DPYD: variants seen among roughly 807,000 people sequenced by gnomAD.
DPYD encodes the protein dihydropyrimidine dehydrogenase [NADP(+)].
A neutral mutation model predicts 116.2 loss-of-function variants in DPYD; 109 were observed. The observed-to-expected ratio is 0.94, with a 90% confidence interval of 0.80 to 1.10. The LOEUF (loss-of-function observed/expected upper bound fraction) is 1.10, where lower values mean the gene tolerates loss of function less well. Ranked by LOEUF, DPYD falls within the 50% of genes least tolerant of loss-of-function variation. DPYD has a pLI of 0.00. For missense variants in DPYD, 1,302 were observed against 1,254.5 expected, an observed-to-expected ratio of 1.04 and a Z score of -0.57; for synonymous variants, 440 against 432.0, an observed-to-expected ratio of 1.02 and a Z score of -0.23.
chr1:97,858,877 G>A (rs1670979199), intron 2 of DPYD, among the ~76,000 whole-genome samples: 1 of 151,990 alleles, frequency 6.6e-6, no homozygotes, highest in South Asian at 2.1e-4. Flanking sequence ...GAATGTGTTT[G>A]ACAAATATTA....
intron 8 of DPYD, among the ~76,000 whole-genome samples, chr1:97,621,723 G>T (rs1656643949): frequency 6.6e-6 from 1 of 152,042 alleles, no homozygotes; most frequent in South Asian, 2.1e-4. Context: ...GGGCCCCCTT[G>T]GAGAAACACC....
At chr1:97,106,485 A>T (rs751688386) in intron 20 of DPYD, among the ~76,000 whole-genome samples, 2 of 152,112 alleles carry the variant, frequency 1.3e-5, no homozygotes, top group African/African-American at 2.4e-5. Context: ...AGGAAAGGCA[A>T]ATTATTCTTT....
At chr1:97,708,528 T>C (rs912818938) in intron 5 of DPYD, among the ~76,000 whole-genome samples, 1 of 152,074 alleles carries the variant, frequency 6.6e-6, no homozygotes, top group African/African-American at 2.4e-5. Context: ...TTTAACAATA[T>C]CACACTGTCT....
In DPYD at chr1:97,235,314, G is replaced by A. The variant is rs560641013; in HGVS notation, c.2300-320C>T. 3.9e-4 allele frequency among the ~76,000 whole-genome samples: 59 copies of A among 152,290 alleles called. 1 individual carries two copies. The highest frequency in any genetic ancestry group is 1.4e-3 in the African/African-American group (57 of 41,554). On this transcript the variant is annotated intron_variant, in intron 18 of 22. Coordinates refer to ENST00000370192, the MANE Select transcript of DPYD (RefSeq NM_000110.4). ...ATATTACAATTGGATATACAGTAAT[G>A]TGTAAAAGATTGCATAGAATATTTG...
At chr1:97,243,668 A>C (rs896848488) in intron 18 of DPYD, among the ~76,000 whole-genome samples, 3 of 151,984 alleles carry the variant, frequency 2.0e-5, no homozygotes, top group Admixed American at 2.0e-4. Flanking sequence ...TAAAACCATA[A>C]AAATCAACAT....
intron 2 of DPYD, chr1:97,856,553 T>G (rs1454071339): frequency 6.6e-6 from 1 of 152,204 alleles, no homozygotes. Context: ...AGACAAATTA[T>G]TAACAATTTA....
chr1:97,636,560 G>A (rs1378591029), intron 8 of DPYD, among the ~76,000 whole-genome samples: 2 of 152,068 alleles, frequency 1.3e-5, no homozygotes, highest in African/African-American at 4.8e-5. Flanking sequence ...AGGATTACTT[G>A]CATTTGCCAT....
intron 20 of DPYD, among the ~76,000 whole-genome samples, chr1:97,185,444 C>A (rs1333386650): frequency 6.6e-6 from 1 of 152,112 alleles, no homozygotes; most frequent in African/African-American, 2.4e-5. Flanking sequence ...AAAACTTATG[C>A]ATCCACCTTA....
At position 97,698,597 on chromosome 1, in the gene DPYD, C is replaced by T. The variant is rs1347724630; in HGVS notation, c.680+754G>A. On this transcript the variant is annotated intron_variant, in intron 6 of 22. Coordinates refer to ENST00000370192, the MANE Select transcript of DPYD (RefSeq NM_000110.4). ...TAGAAACAGATATTCCAAATGGATA[C>T]ATTTTGTAATCCATGATTTTTTTGA... Among the ~76,000 whole-genome samples, 5 of 151,852 alleles carry T rather than the reference C, an allele frequency of 3.3e-5. No homozygotes were observed. The East Asian group carries it at 5.8e-4, about 18-fold the overall frequency.
intron 16 of DPYD, among the ~76,000 whole-genome samples, chr1:97,335,136 G>A (rs1222599549): frequency 6.6e-6 from 1 of 152,074 alleles, no homozygotes; most frequent in African/African-American, 2.4e-5. Flanking sequence ...CTTTTGTAGA[G>A]GCTGCTTCCT....
intron 8 of DPYD, among the ~76,000 whole-genome samples, chr1:97,599,624 A>C (rs1485863775): frequency 6.6e-6 from 1 of 151,938 alleles, no homozygotes; most frequent in Non-Finnish European, 1.5e-5. Context: ...CATGAGAAAG[A>C]CAGTCATCTT....
intron 8 of DPYD, among the ~76,000 whole-genome samples, chr1:97,657,449 C>T (rs1315074581): frequency 6.6e-6 from 1 of 152,062 alleles, no homozygotes; most frequent in African/African-American, 2.4e-5. Flanking sequence ...CATCAGCTGC[C>T]TCACTCTTAT....
chr1:97,610,680 A>T (rs1269947963), intron 8 of DPYD, among the ~76,000 whole-genome samples: 1 of 152,078 alleles, frequency 6.6e-6, no homozygotes, highest in Non-Finnish European at 1.5e-5. Context: ...TAGTGATTTC[A>T]GTACATGATT....
At chr1:97,567,860 C>A (rs1208307635) in intron 11 of DPYD, among the ~76,000 whole-genome samples, 1 of 112,936 alleles carries the variant, frequency 8.9e-6, no homozygotes, top group Non-Finnish European at 1.9e-5. Context: ...TGCAGAAATT[C>A]AAAATGGAGA....
At chr1:97,291,023 G>A (rs190054870) in intron 18 of DPYD, among the ~76,000 whole-genome samples, 36,887 of 151,908 alleles carry the variant, frequency 0.24, 5,508 homozygotes, top group Admixed American at 0.39. Context: ...AAAAGTGGGC[G>A]AAGGACATGA....
chr1:97,222,325 T>C (rs1660831781), intron 19 of DPYD, among the ~76,000 whole-genome samples: 2 of 152,106 alleles, frequency 1.3e-5, no homozygotes, highest in Admixed American at 1.3e-4. Flanking sequence ...TGCAAACATC[T>C]TAGCTAACTC....
intron 3 of DPYD, among the ~76,000 whole-genome samples, chr1:97,788,478 G>A (rs139113812): frequency 4.3e-4 from 66 of 152,244 alleles, no homozygotes; most frequent in African/African-American, 1.5e-3. Flanking sequence ...CAGCATCAGC[G>A]GCGCTCCCAC....
At chr1:97,727,908 T>C (rs1663362776) in intron 4 of DPYD, among the ~76,000 whole-genome samples, 1 of 151,870 alleles carries the variant, frequency 6.6e-6, no homozygotes, top group Non-Finnish European at 1.5e-5. Flanking sequence ...TCTTCATTCT[T>C]TTTAAAAGTA....
intron 8 of DPYD, among the ~76,000 whole-genome samples, chr1:97,605,044 T>C (rs886682139): frequency 6.6e-6 from 1 of 152,070 alleles, no homozygotes; most frequent in African/African-American, 2.4e-5. Flanking sequence ...CACTATACCA[T>C]ATCCAAATGT....
Sources: allele counts gnomAD v4.1 joint callset (sites outside exome capture counted in the v4.1 genomes callset), GRCh38; gene constraint gnomAD v4.1.1; transcripts MANE v1.5; gene names NCBI Gene and HGNC (gene_info 2026-07-23, HGNC 2026-07-21).